PARVA: variants seen among roughly 807,000 people sequenced by gnomAD.
PARVA encodes the protein alpha-parvin.
Under a neutral mutation model 52.6 loss-of-function variants are expected in PARVA, and 25 were observed. The ratio of observed to expected loss-of-function variants is 0.48; its 90% CI spans 0.35 to 0.66. PARVA has a LOEUF of 0.66. Among genes scored for constraint, PARVA ranks in the 30% least tolerant of loss-of-function variants. PARVA has a pLI of 0.01. For missense variants in PARVA, 373 were observed against 450.9 expected, an observed-to-expected ratio of 0.83 and a Z score of 1.56; for synonymous variants, 185 against 179.1, an observed-to-expected ratio of 1.03 and a Z score of -0.26.
chr11:12,467,632 AGGC>A (rs1333564257), intron 1 of PARVA, among the ~76,000 whole-genome samples: 1 of 152,220 alleles, frequency 6.6e-6, no homozygotes, highest in Non-Finnish European at 1.5e-5. Context: ...GCTTCTGTAT[AGGC>A]CCTGGAACTA....
At chr11:12,496,345 A>AGAGTGCATGTATGCAT in intron 4 of PARVA, 113 bp from the exon 5 acceptor site, 1 of 861,988 alleles carries the variant, frequency 1.2e-6, no homozygotes, top group Non-Finnish European at 1.8e-6. Flanking sequence ...TATTGTTGCA[A>AGAGTGCATGTATGCAT]GAGTGCATGC....
chr11:12,441,707 A>G (rs538220756), intron 1 of PARVA, among the ~76,000 whole-genome samples: 5 of 152,306 alleles, frequency 3.3e-5, no homozygotes, highest in Admixed American at 2.0e-4. Flanking sequence ...AAGCCTTTTT[A>G]TGACTCAGAG....
rs1408258251 is a variant in PARVA, at chr11:12,473,627, G to A, written c.137-118G>A. The A allele has an allele frequency of 1.1e-5, 8 of 740,706 alleles. No individual in the cohort carries two copies. In the East Asian group the frequency reaches 1.3e-4, roughly 12 times the overall value. The allele number at this position is 740,706 out of a possible 1,614,324, so 45.9% of individuals were successfully genotyped here. ...ATTGATCGTAGGCTGAGTAACAGCT[G>A]TAATCTACCCTTAGTGGGTTTTTTT... is the stretch of plus-strand genomic sequence containing the variant. On this transcript the variant is annotated intron_variant, in intron 1 of 12. Coordinates refer to ENST00000334956, the MANE Select transcript of PARVA (RefSeq NM_018222.5).
chr11:12,529,036 C>G lies in PARVA; in HGVS notation c.*1111C>G, dbSNP rs1334338729. On this transcript the variant is annotated 3_prime_UTR_variant, in exon 13 of 13. Transcript: ENST00000334956. Reference sequence around the variant, plus strand: ...GCTGGGCACGGGCCCATGTGAGCATCACTTTGGAAGTAGGGCTCTTCAACA... The same window carrying G: ...GCTGGGCACGGGCCCATGTGAGCATGACTTTGGAAGTAGGGCTCTTCAACA... The G allele has an allele frequency of 1.3e-5, 2 of 152,626 alleles. No individual in the cohort carries two copies. Among genetic ancestry groups the G allele is most frequent in the African/African-American group, 2.4e-5 (1 of 41,450 alleles). The allele number at this position is 152,626 out of a possible 1,614,324, so 9.5% of individuals were successfully genotyped here. A position where few individuals can be genotyped will look rare whatever the true frequency, so the allele number is the denominator to read the frequency against.
At chr11:12,461,921 T>A (rs999550000) in intron 1 of PARVA, among the ~76,000 whole-genome samples, 2 of 152,082 alleles carry the variant, frequency 1.3e-5, no homozygotes, top group Non-Finnish European at 2.9e-5. Context: ...TACAAGAGAG[T>A]GTGGTGAGAC....
intron 1 of PARVA, among the ~76,000 whole-genome samples, chr11:12,463,016 C>G (rs1021072430): frequency 6.6e-6 from 1 of 151,710 alleles, no homozygotes; most frequent in Non-Finnish European, 1.5e-5. Context: ...GGATTTCCAC[C>G]CCCAACCCTT....
chr11:12,505,999 G>A (rs1941427557), intron 6 of PARVA, among the ~76,000 whole-genome samples: 1 of 152,198 alleles, frequency 6.6e-6, no homozygotes. Context: ...TTGGGTGATA[G>A]TGACAGTATC....
At chr11:12,490,878 A>G (rs2135054840) in intron 4 of PARVA, among the ~76,000 whole-genome samples, 1 of 152,314 alleles carries the variant, frequency 6.6e-6, no homozygotes, top group Non-Finnish European at 1.5e-5. Context: ...CAATTAGCTT[A>G]AGACTTTATT....
At chr11:12,504,706 A>T (rs971649416) in intron 6 of PARVA, among the ~76,000 whole-genome samples, 2 of 151,352 alleles carry the variant, frequency 1.3e-5, no homozygotes, top group Non-Finnish European at 2.9e-5. Flanking sequence ...TTTCTGTGTA[A>T]TGTGTAGATG....
At chr11:12,457,499 C>T (rs1940713599) in intron 1 of PARVA, among the ~76,000 whole-genome samples, 1 of 152,220 alleles carries the variant, frequency 6.6e-6, no homozygotes. Flanking sequence ...AGCACTTGCT[C>T]ACCCTCTCTG....
rs751496205 is a variant in PARVA, at chr11:12,496,510, T to A, written c.453T>A (p.Ile151=). The A allele has an allele frequency of 2.5e-6, 4 of 1,609,670 alleles. No individual in the cohort carries two copies. Among genetic ancestry groups the A allele is most frequent in the Non-Finnish European group, 3.4e-6 (4 of 1,178,078 alleles). ...LNVAEVTQSE[I]AQKQKLQTVL... is the part of the protein sequence containing the mutation. ...TGGCTGAGGTCACCCAGTCAGAGAT[T>A]GCTCAGAAGCAAAAACTGCAGACTG... Residue 151 remains isoleucine (I), a synonymous_variant, in exon 5 of 13, where the codon ATT becomes ATA. Coordinates refer to ENST00000334956, the MANE Select transcript of PARVA (RefSeq NM_018222.5).
intron 4 of PARVA, among the ~76,000 whole-genome samples, 162 bp from the exon 5 acceptor site, chr11:12,496,296 G>C (rs1044511701): frequency 1.3e-5 from 2 of 149,712 alleles, no homozygotes; most frequent in Non-Finnish European, 3.0e-5. Context: ...AGGTGATGAG[G>C]GGACAGCAGT....
chr11:12,500,058 T>C (rs1941346422), intron 5 of PARVA, among the ~76,000 whole-genome samples: 1 of 152,136 alleles, frequency 6.6e-6, no homozygotes, highest in Admixed American at 6.5e-5. Context: ...AATGACTTCT[T>C]TAGGATAAAT....
chr11:12,396,931 T>TCTCTC (rs1939756514), intron 1 of PARVA, among the ~76,000 whole-genome samples: 1 of 145,436 alleles, frequency 6.9e-6, no homozygotes, highest in African/African-American at 2.6e-5. Context: ...GTACTTGTTT[T>TCTCTC]CTTTCCTTTC....
At position 12,534,110 on chromosome 11, in the gene PARVA, A is replaced by G. The variant is rs188971020; in HGVS notation, c.*6185A>G. ...TTGAACCCAGGAGGCAGAGGTTGCA[A>G]TGAGCTGAGATCGCATCACTGCACT... On this transcript the variant is annotated 3_prime_UTR_variant, in exon 13 of 13. Coordinates refer to ENST00000334956, the MANE Select transcript of PARVA (RefSeq NM_018222.5). Among the ~76,000 whole-genome samples, 2 of 152,208 alleles carry G rather than the reference A, an allele frequency of 1.3e-5. No homozygotes were observed. Among genetic ancestry groups the G allele is most frequent in the African/African-American group, 4.8e-5 (2 of 41,532 alleles).
intron 1 of PARVA, 52 bp from the exon 2 acceptor site, chr11:12,473,693 C>T: frequency 7.3e-7 from 1 of 1,368,640 alleles, no homozygotes; most frequent in South Asian, 1.2e-5. Context: ...AGAGCTCCAA[C>T]CCCCTGCCGT....
At position 12,531,294 on chromosome 11, in the gene PARVA, T is replaced by C. The variant is rs1941769441; in HGVS notation, c.*3369T>C. On this transcript the variant is annotated 3_prime_UTR_variant, in exon 13 of 13. Coordinates refer to ENST00000334956, the MANE Select transcript of PARVA (RefSeq NM_018222.5). ...TGGTTGCAATTTTCAATTGCTGCTA[T>C]TGGTGCTTTTTAATTATGAATTACT... Among the ~76,000 whole-genome samples, 1 of 152,216 alleles carries C rather than the reference T, an allele frequency of 6.6e-6. No individual in the cohort carries two copies. The highest frequency in any genetic ancestry group is 1.5e-5 in the Non-Finnish European group (1 of 68,040).
chr11:12,448,757 A>C (rs1940581449), intron 1 of PARVA, among the ~76,000 whole-genome samples: 1 of 152,190 alleles, frequency 6.6e-6, no homozygotes. Flanking sequence ...AATGGGATAC[A>C]ACAGCTGGAA....
intron 4 of PARVA, among the ~76,000 whole-genome samples, chr11:12,493,173 TAATGA>T (rs1941253739): frequency 6.6e-6 from 1 of 151,934 alleles, no homozygotes; most frequent in Non-Finnish European, 1.5e-5. Context: ...CTGACCAACA[TAATGA>T]AACCCCATCT....
Sources: allele counts gnomAD v4.1 joint callset (sites outside exome capture counted in the v4.1 genomes callset), GRCh38; gene constraint gnomAD v4.1.1; transcripts MANE v1.5; gene names NCBI Gene and HGNC (gene_info 2026-07-23, HGNC 2026-07-21).